Variants in TPP2 observed in about 807,000 individuals in gnomAD.
TPP2 encodes the protein tripeptidyl-peptidase 2.
Under a neutral mutation model 155.9 loss-of-function variants are expected in TPP2, and 34 were observed. The observed-to-expected ratio is 0.22, with a 90% CI of 0.17 to 0.29. The LOEUF (loss-of-function observed/expected upper bound fraction) is 0.29. Ranked by LOEUF, TPP2 falls within the 10% of genes least tolerant of loss-of-function variation. The pLI is 1.00. For missense variants in TPP2, 1,028 were observed against 1,522.3 expected, an observed-to-expected ratio of 0.68 and a Z score of 5.40; for synonymous variants, 510 against 529.4, an observed-to-expected ratio of 0.96 and a Z score of 0.50.
intron 15 of TPP2, among the ~76,000 whole-genome samples, chr13:102,639,539 CTCT>C (rs1488239664): frequency 1.3e-5 from 2 of 152,154 alleles, no homozygotes; most frequent in African/African-American, 2.4e-5. Context: ...GGCTCCGTAA[CTCT>C]TCTTGTCTAT....
chr13:102,655,735 C>T (rs555693067), intron 24 of TPP2, among the ~76,000 whole-genome samples: 1 of 152,304 alleles, frequency 6.6e-6, no homozygotes, highest in South Asian at 2.1e-4. Context: ...TGTCCCCTGA[C>T]ACTGTTCTTG....
At chr13:102,650,838 T>C (rs748027896) in intron 23 of TPP2, among the ~76,000 whole-genome samples, 8 of 152,222 alleles carry the variant, frequency 5.3e-5, no homozygotes, top group Non-Finnish European at 7.4e-5. Context: ...AAGGGAGACC[T>C]TCCTGGGAGA....
At chr13:102,634,735 A>G (rs559930798) in intron 11 of TPP2, among the ~76,000 whole-genome samples, 1 of 152,264 alleles carries the variant, frequency 6.6e-6, no homozygotes, top group East Asian at 1.9e-4. Flanking sequence ...GTGATGATGT[A>G]CCACTTCAAG....
At chr13:102,640,527 T>G in intron 16 of TPP2, 151 bp downstream of exon 16, 1 of 592,722 alleles carries the variant, frequency 1.7e-6, no homozygotes, top group Admixed American at 3.0e-5. Flanking sequence ...TTCAAAACGT[T>G]TTTAAGATCT....
intron 27 of TPP2, among the ~76,000 whole-genome samples, chr13:102,669,087 C>T (rs72651386): frequency 0.012 from 1,754 of 152,282 alleles, 38 homozygotes; most frequent in Middle Eastern, 0.014. Flanking sequence ...CCGCACCATA[C>T]ATTACTGTTT....
intron 4 of TPP2, among the ~76,000 whole-genome samples, chr13:102,616,943 C>T (rs1245184637): frequency 1.3e-5 from 2 of 150,744 alleles, no homozygotes; most frequent in African/African-American, 2.4e-5. Context: ...GACGGAGTCT[C>T]GCTCTGTTCC....
intron 10 of TPP2, among the ~76,000 whole-genome samples, chr13:102,630,994 C>T (rs1361349355): frequency 6.6e-6 from 1 of 152,148 alleles, no homozygotes; most frequent in East Asian, 1.9e-4. Context: ...GGAGCAATCA[C>T]TTGAGCCCTT....
intron 15 of TPP2, among the ~76,000 whole-genome samples, chr13:102,639,876 C>G (rs748316208): frequency 2.0e-5 from 3 of 152,160 alleles, no homozygotes; most frequent in Non-Finnish European, 4.4e-5. Flanking sequence ...TAACACAAGT[C>G]TCATAGCTAT....
intron 5 of TPP2, among the ~76,000 whole-genome samples, 155 bp from the exon 6 acceptor site, chr13:102,622,722 C>A (rs1881251386): frequency 6.6e-6 from 1 of 152,148 alleles, no homozygotes; most frequent in South Asian, 2.1e-4. Context: ...CCTTACTGCC[C>A]ACTCTAAGAA....
At position 102,627,715 on chromosome 13, in the gene TPP2, A is replaced by G. The variant is rs1248783089; in HGVS notation, c.940-133A>G. 1.6e-5 allele frequency: 10 copies of G among 624,346 alleles called. No homozygotes were observed. The African/African-American group carries it at 1.7e-4, about 11-fold the overall frequency. 38.7% of individuals were successfully genotyped at this position (624,346 alleles called of 1,614,324 possible). On this transcript the variant is annotated intron_variant, in intron 7 of 29. Coordinates refer to ENST00000376052, the MANE Select transcript of TPP2 (RefSeq NM_001330588.2). Reference sequence around the variant, plus strand: ...CTTATATGTCCAGGTATATGGTGATATGCCTGGAGGTAACTTATAAATTAG... The same window carrying G: ...CTTATATGTCCAGGTATATGGTGATGTGCCTGGAGGTAACTTATAAATTAG...
rs1879019538 is a variant in TPP2, at chr13:102,597,215, C to G, written c.165+12C>G. 4.4e-6 allele frequency: 6 copies of G among 1,371,528 alleles called. No homozygotes were observed. Among genetic ancestry groups the G allele is most frequent in the Non-Finnish European group, 5.7e-6 (6 of 1,059,194 alleles). The allele number at this position is 1,371,528 out of a possible 1,614,324, so 85.0% of individuals were successfully genotyped here. ...CTCCGGGCATGCAGGTGAGGCGGCC[C>G]CCGAGGGCCCGGGCGCGGGGGCGCG... On this transcript the variant is annotated intron_variant, in intron 1 of 29. Transcript: ENST00000376052.
chr13:102,669,815 G>A (rs1318048475), intron 27 of TPP2, among the ~76,000 whole-genome samples: 1 of 152,092 alleles, frequency 6.6e-6, no homozygotes, highest in Non-Finnish European at 1.5e-5. Flanking sequence ...TAAGCTAGGG[G>A]GCCAGGCAGT....
intron 1 of TPP2, among the ~76,000 whole-genome samples, chr13:102,601,730 A>T (rs1595125992): frequency 6.6e-6 from 1 of 152,082 alleles, no homozygotes; most frequent in Admixed American, 6.5e-5. Context: ...ACTTCTCCCA[A>T]AACACCATGG....
chr13:102,651,224 T>G (rs1883466614), intron 23 of TPP2, 135 bp from the exon 24 acceptor site: 1 of 839,792 alleles, frequency 1.2e-6, no homozygotes, highest in Non-Finnish European at 1.7e-6. Context: ...GCATGCCATC[T>G]TAATCACAGA....
intron 27 of TPP2, among the ~76,000 whole-genome samples, chr13:102,665,285 C>T (rs1884517392): frequency 6.6e-6 from 1 of 151,998 alleles, no homozygotes. Flanking sequence ...GTTTATTGTC[C>T]AGTAACATGA....
chr13:102,616,311 CA>C, intron 3 of TPP2, 84 bp from the exon 4 acceptor site: 1 of 1,119,368 alleles, frequency 8.9e-7, no homozygotes, highest in Non-Finnish European at 1.3e-6. Flanking sequence ...ACAACTGTAC[CA>C]ACAAAGTCCA....
chr13:102,629,981 G>T, intron 9 of TPP2, 115 bp from the exon 10 acceptor site: 1 of 799,010 alleles, frequency 1.3e-6, no homozygotes, highest in Non-Finnish European at 2.0e-6. Context: ...TTCTTCCATC[G>T]TATTAGAGAG....
In TPP2 at chr13:102,635,623, C is replaced by T; in HGVS notation, c.1430C>T (p.Ser477Leu). The T allele has an allele frequency of 6.2e-7, 1 of 1,613,060 alleles. No homozygotes were observed. The highest frequency in any genetic ancestry group is 8.5e-7 in the Non-Finnish European group (1 of 1,179,784). ...KANNIDYTVHSVRRALENTAV... is the reference protein window; with the variant it reads ...KANNIDYTVHLVRRALENTAV... Reference sequence around the variant, plus strand: ...AATAACATTGACTACACAGTTCATTCAGTCAGAAGAGCTCTAGAAAACACT... The same window carrying T: ...AATAACATTGACTACACAGTTCATTTAGTCAGAAGAGCTCTAGAAAACACT... The change falls in exon 12 of 30, where the codon TCA becomes TTA. Residue 477 changes from serine (S) to leucine (L), a missense_variant. By Grantham distance (145) the Ser-to-Leu change is moderately radical. Transcript: ENST00000376052.
rs941694399 is a variant in TPP2 at position 102,674,152 on chromosome 13, C to T, written c.3372-131C>T. ...ATATTTGATGTACAATACAATTGTA[C>T]GTACCTGGATATACAGTATTTCTGC... is the stretch of plus-strand genomic sequence containing the variant. On this transcript the variant is annotated intron_variant, in intron 27 of 29. Transcript: ENST00000376052. 7.2e-5 allele frequency: 66 copies of T among 918,502 alleles called. No homozygotes were observed. In the South Asian group the frequency reaches 8.2e-4, roughly 11 times the overall value. 56.9% of individuals were successfully genotyped at this position (918,502 alleles called of 1,614,324 possible). A position where few individuals can be genotyped will look rare whatever the true frequency, so the allele number is the denominator to read the frequency against.
Sources: allele counts gnomAD v4.1 joint callset (sites outside exome capture counted in the v4.1 genomes callset), GRCh38; gene constraint gnomAD v4.1.1; transcripts MANE v1.5; gene names NCBI Gene and HGNC (gene_info 2026-07-23, HGNC 2026-07-21).